Variants in MAN1C1 observed in about 807,000 individuals in gnomAD.
MAN1C1 encodes the protein mannosyl-oligosaccharide 1,2-alpha-mannosidase IC.
Under a neutral mutation model 71.5 loss-of-function variants are expected in MAN1C1, and 49 were observed. The ratio of observed to expected loss-of-function variants is 0.69; its 90% CI spans 0.54 to 0.87. MAN1C1 has a LOEUF of 0.87. Ranked by LOEUF, MAN1C1 falls within the 40% of genes least tolerant of loss-of-function variation. MAN1C1 has a pLI of 0.00. For synonymous variants in MAN1C1, 352 were observed against 343.7 expected (o/e 1.02, Z -0.27); for missense variants, 743 against 835.0 (o/e 0.89, Z 1.36).
At chr1:25,623,456 G>A (rs112707717) in intron 1 of MAN1C1, among the ~76,000 whole-genome samples, 2 of 112,064 alleles carry the variant, frequency 1.8e-5, no homozygotes, top group Admixed American at 2.0e-4. Context: ...AGTGGTGGTG[G>A]GGGGGGGTAA....
At chr1:25,763,811 AGGCTGGGTGCAGTC>A in intron 6 of MAN1C1, 49 bp from the exon 7 acceptor site, 1 of 1,344,716 alleles carries the variant, frequency 7.4e-7, no homozygotes, top group Non-Finnish European at 1.1e-6. Context: ...CATCCTCAGC[AGGCTGGGTGCAGTC>A]GGCTTCTTCG....
chr1:25,682,515 G>A (rs375897892), intron 1 of MAN1C1, among the ~76,000 whole-genome samples: 4 of 152,304 alleles, frequency 2.6e-5, no homozygotes, highest in African/African-American at 9.6e-5. Flanking sequence ...GCTCCTGGAA[G>A]AACACTATGT....
intron 1 of MAN1C1, among the ~76,000 whole-genome samples, chr1:25,618,998 G>A (rs1215070323): frequency 1.3e-5 from 2 of 152,188 alleles, no homozygotes; most frequent in South Asian, 2.1e-4. Context: ...CAGAAGCTCC[G>A]AGGTTATTGG....
intron 1 of MAN1C1, among the ~76,000 whole-genome samples, chr1:25,674,408 G>C (rs1557759589): frequency 6.6e-6 from 1 of 152,222 alleles, no homozygotes; most frequent in Non-Finnish European, 1.5e-5. Context: ...GTGCTAGGGA[G>C]CAGTAATGAG....
chr1:25,619,843 C>A (rs1017947730), intron 1 of MAN1C1, among the ~76,000 whole-genome samples: 1 of 152,196 alleles, frequency 6.6e-6, no homozygotes, highest in Admixed American at 6.5e-5. Flanking sequence ...CTTTTTGCCC[C>A]TCTCGACCTC....
rs1232290444 is a variant in MAN1C1, at chr1:25,616,895, C to T, written c.-903C>T. Among the ~76,000 whole-genome samples the T allele has an allele frequency of 1.3e-5, 2 of 149,252 alleles. No individual in the cohort carries two copies. The highest frequency in any genetic ancestry group is 1.3e-4 in the Admixed American group (2 of 15,070). On this transcript the variant is annotated 5_prime_UTR_variant, in exon 1 of 12. Coordinates refer to ENST00000374332, the MANE Select transcript of MAN1C1 (RefSeq NM_020379.4). The surrounding 1 kb of genome is among the most constrained non-coding windows in gnomAD (Gnocchi z 5.6). Reference sequence around the variant, plus strand: ...CTCGGCGGCAGCGGCCGGTCTGGAGCGGCCGCTGCGAGGAAGACAGCTGCA... The same window carrying T: ...CTCGGCGGCAGCGGCCGGTCTGGAGTGGCCGCTGCGAGGAAGACAGCTGCA...
At chr1:25,740,062 C>G (rs539969115) in intron 2 of MAN1C1, among the ~76,000 whole-genome samples, 53 of 152,292 alleles carry the variant, frequency 3.5e-4, no homozygotes, top group African/African-American at 1.2e-3. Flanking sequence ...ACCGAGTTCT[C>G]TCCCTAGGAG....
At chr1:25,639,057 C>T (rs141142305) in intron 1 of MAN1C1, among the ~76,000 whole-genome samples, 1 of 152,198 alleles carries the variant, frequency 6.6e-6, no homozygotes, top group Non-Finnish European at 1.5e-5. Flanking sequence ...CTTCCTTTCT[C>T]TCTGTACTTC....
rs559786732 is a variant in MAN1C1, at chr1:25,729,018, C to G, written c.638-17650C>G. On this transcript the variant is annotated intron_variant, in intron 2 of 11. Coordinates refer to ENST00000374332, the MANE Select transcript of MAN1C1 (RefSeq NM_020379.4). ...AATGCTGTTCCAGCCTTCTCGGCAGCCTCTTGCCCCTTCGTTAGCTTCTAA... is the reference window on the plus strand; with the variant it reads ...AATGCTGTTCCAGCCTTCTCGGCAGGCTCTTGCCCCTTCGTTAGCTTCTAA... Among the ~76,000 whole-genome samples, 4 of 152,336 alleles carry G rather than the reference C, an allele frequency of 2.6e-5. No individual in the cohort carries two copies. The East Asian group carries it at 7.7e-4, about 29-fold the overall frequency.
intron 3 of MAN1C1, among the ~76,000 whole-genome samples, chr1:25,748,313 G>T: frequency 6.6e-6 from 1 of 152,356 alleles, no homozygotes; most frequent in East Asian, 1.9e-4. Context: ...CTGAAGGGGA[G>T]CGGTTTTGCA....
chr1:25,706,412 G>A (rs1210412813), intron 2 of MAN1C1, among the ~76,000 whole-genome samples: 4 of 152,196 alleles, frequency 2.6e-5, no homozygotes, highest in Non-Finnish European at 5.9e-5. Context: ...GTGGCCACTG[G>A]AGACCTGCCT....
rs2045123719 is a variant in MAN1C1, at chr1:25,617,707, C to G, written c.-91C>G. On this transcript the variant is annotated 5_prime_UTR_variant, in exon 1 of 12. Coordinates refer to ENST00000374332, the MANE Select transcript of MAN1C1 (RefSeq NM_020379.4). This position sits in a 1 kb window ranked among gnomAD's most constrained non-coding sequence, Gnocchi z 5.1. ...CAACCCTGCCCAGGGACCCCCATCCCGGGCGGCGCTCCGGACGCCCTCCCC... is the reference window on the plus strand; with the variant it reads ...CAACCCTGCCCAGGGACCCCCATCCGGGGCGGCGCTCCGGACGCCCTCCCC... The G allele has an allele frequency of 1.0e-5, 13 of 1,294,372 alleles. No homozygotes were observed. The highest frequency in any genetic ancestry group is 1.3e-5 in the Non-Finnish European group (13 of 965,316). The allele number at this position is 1,294,372 out of a possible 1,614,324, so 80.2% of individuals were successfully genotyped here. A position where few individuals can be genotyped will look rare whatever the true frequency, so the allele number is the denominator to read the frequency against.
chr1:25,699,604 A>G (rs1177118749), intron 2 of MAN1C1, among the ~76,000 whole-genome samples: 2 of 152,266 alleles, frequency 1.3e-5, no homozygotes, highest in South Asian at 2.1e-4. Flanking sequence ...TGCCACCCAG[A>G]TGAGGCCTGA....
rs192118307 is a variant in MAN1C1 at position 25,634,454 on chromosome 1, C to T, written c.540+16117C>T. 1.8e-3 allele frequency among the ~76,000 whole-genome samples: 268 copies of T among 152,282 alleles called. No homozygotes were observed. Among genetic ancestry groups the T allele is most frequent in the African/African-American group, 6.1e-3 (255 of 41,558 alleles). On this transcript the variant is annotated intron_variant, in intron 1 of 11. Coordinates refer to ENST00000374332, the MANE Select transcript of MAN1C1 (RefSeq NM_020379.4). The surrounding 1 kb of genome is among the most constrained non-coding windows in gnomAD (Gnocchi z 4.6). ...TATTGGGATTAAATTTTGTCACATGCTTTTTCTGCATCTATGGAGATTATA... is the reference window on the plus strand; with the variant it reads ...TATTGGGATTAAATTTTGTCACATGTTTTTTCTGCATCTATGGAGATTATA...
chr1:25,641,214 G>C (rs1286127898), intron 1 of MAN1C1, among the ~76,000 whole-genome samples: 1 of 152,220 alleles, frequency 6.6e-6, no homozygotes, highest in Non-Finnish European at 1.5e-5. Flanking sequence ...CCTCTTAAGA[G>C]TTTAGCTGAT....
chr1:25,697,285 A>G (rs1336356884), intron 2 of MAN1C1, among the ~76,000 whole-genome samples: 1 of 152,182 alleles, frequency 6.6e-6, no homozygotes, highest in Non-Finnish European at 1.5e-5. Flanking sequence ...ATGCTATCAT[A>G]CTGTATCTGG....
chr1:25,657,822 G>C (rs1025384354), intron 1 of MAN1C1, among the ~76,000 whole-genome samples: 4 of 152,226 alleles, frequency 2.6e-5, no homozygotes, highest in African/African-American at 9.7e-5. Flanking sequence ...ATCCTCACTA[G>C]AATGAAAACA....
intron 8 of MAN1C1, among the ~76,000 whole-genome samples, chr1:25,774,771 A>G (rs913523328): frequency 6.6e-6 from 1 of 151,986 alleles, no homozygotes; most frequent in Non-Finnish European, 1.5e-5. Flanking sequence ...CTCACTGCCT[A>G]TGGGTTAGCC....
intron 5 of MAN1C1, among the ~76,000 whole-genome samples, chr1:25,757,624 G>A (rs1225649172): frequency 3.3e-5 from 5 of 152,184 alleles, no homozygotes; most frequent in African/African-American, 1.2e-4. Context: ...CCTTCACTGT[G>A]TCTTACGGAT....
Sources: allele counts gnomAD v4.1 joint callset (sites outside exome capture counted in the v4.1 genomes callset), GRCh38; gene constraint gnomAD v4.1.1; non-coding constraint Gnocchi (gnomAD v3.1); transcripts MANE v1.5; gene names NCBI Gene and HGNC (gene_info 2026-07-23, HGNC 2026-07-21).